COQ8A: variants seen among roughly 807,000 people sequenced by gnomAD.
The protein encoded by COQ8A is coenzyme Q8A.
COQ8A carries 51 observed loss-of-function variants against 65.0 expected under a neutral mutation model. The observed-to-expected ratio is 0.78, with a 90% CI of 0.63 to 0.99. COQ8A has a LOEUF of 0.99. Ranked by LOEUF, COQ8A falls within the 50% of genes least tolerant of loss-of-function variation. The pLI is 0.00. For synonymous variants in COQ8A, 371 were observed against 353.2 expected (o/e 1.05, Z -0.57); for missense variants, 940 against 875.0 (o/e 1.07, Z -0.94).
At chr1:226,982,192 G>A in intron 6 of COQ8A, 43 bp downstream of exon 6, 2 of 1,544,146 alleles carry the variant, frequency 1.3e-6, no homozygotes, top group Non-Finnish European at 1.7e-6. Context: ...TGCGTGGGCT[G>A]CTGGGGGGGT....
At chr1:226,961,304 G>A in intron 1 of COQ8A, 73 bp from the exon 2 acceptor site, 1 of 1,513,136 alleles carries the variant, frequency 6.6e-7, no homozygotes, top group Non-Finnish European at 9.2e-7. Context: ...TCAGAGTTTG[G>A]TGTGGAGTTG....
intron 4 of COQ8A, 109 bp from the exon 5 acceptor site, chr1:226,977,340 C>T: frequency 9.9e-7 from 1 of 1,006,462 alleles, no homozygotes; most frequent in South Asian, 1.4e-5. Context: ...CAGCGAGGGC[C>T]CCTGGTGCAA....
chr1:226,956,206 CCACTCTCCCTGGCTG>C (rs1657739195), intron 1 of COQ8A, among the ~76,000 whole-genome samples: 1 of 115,644 alleles, frequency 8.6e-6, no homozygotes, highest in Non-Finnish European at 1.7e-5. Flanking sequence ...TCCCTGGCTG[CCACTCTCCCTGGCTG>C]CCACTCCCTG....
intron 6 of COQ8A, chr1:226,982,472 T>C: frequency 1.5e-6 from 1 of 673,258 alleles, no homozygotes; most frequent in East Asian, 2.7e-5. Flanking sequence ...AAAGCCCACC[T>C]TCTCAGGTCA....
At chr1:226,971,853 T>G (rs1658927126) in intron 4 of COQ8A, among the ~76,000 whole-genome samples, 1 of 152,208 alleles carries the variant, frequency 6.6e-6, no homozygotes, top group South Asian at 2.1e-4. Flanking sequence ...TTTATTCTGC[T>G]TGGGGTTTAC....
At chr1:226,957,170 G>T (rs1430319663) in intron 1 of COQ8A, among the ~76,000 whole-genome samples, 1 of 138,844 alleles carries the variant, frequency 7.2e-6, no homozygotes, top group Non-Finnish European at 1.5e-5. Flanking sequence ...GCTCTCCCTG[G>T]CTTCTGCTCT....
rs1553281394 is a variant in COQ8A at position 226,986,624 on chromosome 1, A to G, written c.1831A>G (p.Arg611Gly). Reference protein sequence around the residue: ...PPPEETYSLHRKMGGSFLICS... With the variant: ...PPPEETYSLHGKMGGSFLICS... ...ACCCGAGGAAACCTACTCCCTGCAC[A>G]GGAAGATGGGGGGCTCCTTCCTCAT... The change falls in exon 15 of 15, where the codon AGG becomes GGG. Residue 611 changes from arginine to glycine, a missense_variant. Physicochemically the swap from Arg to Gly is moderately radical, Grantham distance 125. Coordinates refer to ENST00000366777, the MANE Select transcript of COQ8A (RefSeq NM_020247.5). 3 of 1,613,686 alleles carry G rather than the reference A, an allele frequency of 1.9e-6. No individual in the cohort carries two copies. The highest frequency in any genetic ancestry group is 2.5e-6 in the Non-Finnish European group (3 of 1,179,956).
In COQ8A at chr1:226,984,669, T is replaced by G. The variant is rs1372134998; in HGVS notation, c.1506+14T>G. Reference sequence around the variant, plus strand: ...CAGCAGCACAAGGTGAGCCCCAGGGTGGGGGCACCCGCAGCCAGGCCTGAG... The same window carrying G: ...CAGCAGCACAAGGTGAGCCCCAGGGGGGGGGCACCCGCAGCCAGGCCTGAG... On this transcript the variant is annotated intron_variant, in intron 12 of 14. Coordinates refer to ENST00000366777, the MANE Select transcript of COQ8A (RefSeq NM_020247.5). The G allele has an allele frequency of 1.2e-6, 2 of 1,609,500 alleles. No homozygotes were observed. Among genetic ancestry groups the G allele is most frequent in the Admixed American group, 3.3e-5 (2 of 60,016 alleles).
chr1:226,982,664 C>A lies in COQ8A; in HGVS notation c.854-14C>A. 6.2e-7 allele frequency: 1 copy of A among 1,612,574 alleles called. No individual in the cohort carries two copies. Among genetic ancestry groups the A allele is most frequent in the Non-Finnish European group, 8.5e-7 (1 of 1,179,816 alleles). On this transcript the variant is annotated splice_polypyrimidine_tract_variant and intron_variant, in intron 6 of 14. Coordinates refer to ENST00000366777, the MANE Select transcript of COQ8A (RefSeq NM_020247.5). ...ATCCCCAGGTTCGCCCTGTGTCATT[C>A]TCCTGCCTTCCAGATGATGCCTTTA...
At position 226,949,480 on chromosome 1, in the gene COQ8A, A is replaced by C. The variant is rs1378626692; in HGVS notation, c.-10+9081A>C. ...AGCCTCCCATGCTGTTTTCTCCTTT[A>C]AGGTGAAGTGGTAAGGAATACCAGT... is the stretch of plus-strand genomic sequence containing the variant. On this transcript the variant is annotated intron_variant, in intron 1 of 14. Coordinates refer to ENST00000366777, the MANE Select transcript of COQ8A (RefSeq NM_020247.5). This position sits in a 1 kb window ranked among gnomAD's most constrained non-coding sequence, Gnocchi z 4.0. Among the ~76,000 whole-genome samples, 1 of 152,040 alleles carries C rather than the reference A, an allele frequency of 6.6e-6. No homozygotes were observed.
chr1:226,984,331 G>T, intron 11 of COQ8A, 96 bp downstream of exon 11: 1 of 1,558,020 alleles, frequency 6.4e-7, no homozygotes, highest in Non-Finnish European at 8.7e-7. Flanking sequence ...GGAGCCCTGA[G>T]GTGCTCCCTG....
At chr1:226,975,540 A>C (rs1659139803) in intron 4 of COQ8A, among the ~76,000 whole-genome samples, 1 of 152,264 alleles carries the variant, frequency 6.6e-6, no homozygotes, top group South Asian at 2.1e-4. Context: ...TATTAAGTAA[A>C]TTATACTATT....
chr1:226,982,581 G>C, intron 6 of COQ8A, 97 bp from the exon 7 acceptor site: 3 of 1,291,984 alleles, frequency 2.3e-6, no homozygotes, highest in Non-Finnish European at 3.4e-6. Flanking sequence ...GGTGGGGAGG[G>C]TGTGGTGGCC....
rs532055975 is a variant in COQ8A at position 226,970,054 on chromosome 1, G to A, written c.655+4317G>A. The stretch of plus-strand genomic sequence containing the variant: ...TGATCTCGGCTCACAGCAACCTCAG[G>A]CAATTCCCATGCCTCAGCCACTCGA... On this transcript the variant is annotated intron_variant, in intron 4 of 14. Coordinates refer to ENST00000366777, the MANE Select transcript of COQ8A (RefSeq NM_020247.5). 7.9e-5 allele frequency among the ~76,000 whole-genome samples: 12 copies of A among 152,140 alleles called. No individual in the cohort carries two copies. The East Asian group carries it at 1.5e-3, about 20-fold the overall frequency.
chr1:226,959,669 G>A (rs889013931), intron 1 of COQ8A, among the ~76,000 whole-genome samples: 1 of 152,232 alleles, frequency 6.6e-6, no homozygotes, highest in Admixed American at 6.5e-5. Flanking sequence ...TTGCATCCCA[G>A]TATGCAGGAC....
rs1660139973 is a variant in COQ8A, at chr1:226,986,674, C to T, written c.1881C>T (p.Phe627=). The T allele has an allele frequency of 6.2e-7, 1 of 1,614,022 alleles. No individual in the cohort carries two copies. The highest frequency in any genetic ancestry group is 1.7e-5 in the Admixed American group (1 of 60,006). ...TCTGCTCCAAGCTGAAGGCCCGCTT[C>T]CCCTGCAAGGCCATGTTCGAGGAGG... is the stretch of plus-strand genomic sequence containing the variant. ...FLICSKLKAR[F]PCKAMFEEAY... The change falls in exon 15 of 15, where the codon TTC becomes TTT. Residue 627 remains phenylalanine (F), a synonymous_variant. Coordinates refer to ENST00000366777, the MANE Select transcript of COQ8A (RefSeq NM_020247.5).
chr1:226,982,311 C>A, intron 6 of COQ8A, 162 bp downstream of exon 6: 1 of 1,130,852 alleles, frequency 8.8e-7, no homozygotes, highest in Non-Finnish European at 1.2e-6. Context: ...AGACGGGTGG[C>A]TCTGGGTCCA....
At chr1:226,978,617 A>G (rs1659460953) in intron 5 of COQ8A, among the ~76,000 whole-genome samples, 1 of 60,638 alleles carries the variant, frequency 1.6e-5, no homozygotes, top group African/African-American at 5.1e-5. Context: ...ACACCCGCCC[A>G]CCTTACACTC....
In COQ8A at chr1:226,985,732, G is replaced by A. The variant is rs527962955; in HGVS notation, c.1659+392G>A. Among the ~76,000 whole-genome samples the A allele has an allele frequency of 3.3e-5, 5 of 152,324 alleles. No individual in the cohort carries two copies. In the East Asian group the frequency reaches 9.7e-4, roughly 29 times the overall value. On this transcript the variant is annotated intron_variant, in intron 14 of 14. Transcript: ENST00000366777. ...TTTTAAATAAAGGGGAACGGTCTGT[G>A]CTGGTGCCGCCTGAAGCCACCCACA... is the stretch of plus-strand genomic sequence containing the variant.
Sources: allele counts gnomAD v4.1 joint callset (sites outside exome capture counted in the v4.1 genomes callset), GRCh38; gene constraint gnomAD v4.1.1; non-coding constraint Gnocchi (gnomAD v3.1); transcripts MANE v1.5; gene names NCBI Gene and HGNC (gene_info 2026-07-23, HGNC 2026-07-21).